Variants in HSPG2 observed in about 807,000 individuals in gnomAD.
HSPG2 encodes heparan sulfate proteoglycan 2.
HSPG2 carries 278 observed loss-of-function variants against 526.6 expected under a neutral mutation model. That is an observed-to-expected ratio of 0.53 (90% CI 0.48 to 0.58). The LOEUF is 0.58. HSPG2 is among the 20% of genes least tolerant of loss of function. The pLI, the probability that HSPG2 is intolerant of heterozygous loss-of-function variation, is 0.00. For synonymous variants in HSPG2, 2,465 were observed against 2,555.4 expected (o/e 0.96, Z 1.07); for missense variants, 5,354 against 6,099.5 (o/e 0.88, Z 4.07).
At chr1:21,857,408 T>G in intron 42 of HSPG2, 23 bp from the exon 43 acceptor site, 1 of 1,605,752 alleles carries the variant, frequency 6.2e-7, no homozygotes, top group South Asian at 1.1e-5. Context: ...GAAGCCCCCC[T>G]GTGAGCCGGT....
rs377061341 is a variant in HSPG2 at position 21,851,703 on chromosome 1, G to A, written c.7007-6C>T. ...GGGCTGGGTGCTGCCGGCAGCTGAG[G>A]GATAAGATGGTCACCGGTCACTCCT... On this transcript the variant is annotated splice_polypyrimidine_tract_variant and splice_region_variant and intron_variant, in intron 54 of 96. Transcript: ENST00000374695. 45 of 1,613,854 alleles carry A rather than the reference G, an allele frequency of 2.8e-5. No homozygotes were observed. The highest frequency in any genetic ancestry group is 3.6e-5 in the Non-Finnish European group (43 of 1,180,020).
chr1:21,879,224 G>A, intron 17 of HSPG2, 103 bp from the exon 18 acceptor site: 1 of 1,393,006 alleles, frequency 7.2e-7, no homozygotes, highest in Non-Finnish European at 1.0e-6. Flanking sequence ...CATCACGCTG[G>A]AGGCACAGCT....
chr1:21,855,360 C>G lies in HSPG2; in HGVS notation c.5941G>C (p.Gly1981Arg). Residue 1981 changes from glycine (G) to arginine (R), a missense_variant, in exon 47 of 97, where the codon GGC becomes CGC. Physicochemically the swap from Gly to Arg is moderately radical, Grantham distance 125. Coordinates refer to ENST00000374695, the MANE Select transcript of HSPG2 (RefSeq NM_005529.7). ...RTVRLYCRAA[G>R]VPSATITWRK... ...CAGGTGATGGTGGCGCTAGGCACGCCTGCAGCCCTGCAGTACAGCCTGACG... is the reference window on the plus strand; with the variant it reads ...CAGGTGATGGTGGCGCTAGGCACGCGTGCAGCCCTGCAGTACAGCCTGACG... 1 of 1,611,682 alleles carries G rather than the reference C, an allele frequency of 6.2e-7. No individual in the cohort carries two copies. Among genetic ancestry groups the G allele is most frequent in the Non-Finnish European group, 8.5e-7 (1 of 1,179,420 alleles).
rs770053186 is a variant in HSPG2, at chr1:21,876,358, G to A, written c.2874C>T (p.Ala958=). 2.6e-5 allele frequency: 42 copies of A among 1,613,252 alleles called. No homozygotes were observed. Among genetic ancestry groups the A allele is most frequent in the Non-Finnish European group, 3.3e-5 (39 of 1,179,768 alleles). Residue 958 remains alanine (A), a synonymous_variant, in exon 23 of 97, where the codon GCC becomes GCT. Coordinates refer to ENST00000374695, the MANE Select transcript of HSPG2 (RefSeq NM_005529.7). ...EEPGHFSLTN[A]ASTHTTNEGI... is the part of the protein sequence containing the mutation. ...CCTCGTTGGTGGTGTGGGTGCTTGC[G>A]GCGTTGGTCAGGCTGAAGTGACCAG...
rs1357906521 is a variant in HSPG2, at chr1:21,912,916, G to T, written c.64-16606C>A. Among the ~76,000 whole-genome samples, 4 of 151,756 alleles carry T rather than the reference G, an allele frequency of 2.6e-5. No individual in the cohort carries two copies. The East Asian group carries it at 7.7e-4, about 29-fold the overall frequency. On this transcript the variant is annotated intron_variant, in intron 1 of 96. Coordinates refer to ENST00000374695, the MANE Select transcript of HSPG2 (RefSeq NM_005529.7). ...AATCACTTGAACCCGGGAGGCGGAGGTTGCAGTGAGCTGAGATTGCACCAC... is the reference window on the plus strand; with the variant it reads ...AATCACTTGAACCCGGGAGGCGGAGTTTGCAGTGAGCTGAGATTGCACCAC...
intron 13 of HSPG2, 23 bp downstream of exon 13, chr1:21,884,505 C>T (rs376600155): frequency 1.1e-5 from 17 of 1,610,852 alleles, no homozygotes; most frequent in East Asian, 6.7e-5. Context: ...CCTCCCGCAG[C>T]GCTCACCCGC....
Position 21,839,122 on chromosome 1 carries a change from G to A in HSPG2, c.9890-37C>T, listed in dbSNP as rs757333979. 44 of 1,556,598 alleles carry A rather than the reference G, an allele frequency of 2.8e-5. No individual in the cohort carries two copies. The South Asian group carries it at 5.4e-4, about 19-fold the overall frequency. On this transcript the variant is annotated intron_variant, in intron 73 of 96. Transcript: ENST00000374695. The surrounding 1 kb of genome is among the most constrained non-coding windows in gnomAD (Gnocchi z 4.5). ...GACACAGAGGTCAGGATTGGGGAGG[G>A]CAAAGGTCAGAATGGCAGCAGGTCG... is the stretch of plus-strand genomic sequence containing the variant.
At chr1:21,832,455 T>A in intron 81 of HSPG2, 40 bp downstream of exon 81, 1 of 1,507,668 alleles carries the variant, frequency 6.6e-7, no homozygotes. Context: ...CAAAGCCCTG[T>A]GTCCAGTCCC....
Position 21,839,678 on chromosome 1 carries a change from C to A in HSPG2, c.9710-128G>T, listed in dbSNP as rs2098040920. The A allele has an allele frequency of 7.2e-7, 1 of 1,389,118 alleles. No individual in the cohort carries two copies. The highest frequency in any genetic ancestry group is 1.4e-5 in the African/African-American group (1 of 70,158). 86.0% of individuals were successfully genotyped at this position (1,389,118 alleles called of 1,614,324 possible). On this transcript the variant is annotated intron_variant, in intron 72 of 96. Transcript: ENST00000374695. This position sits in a 1 kb window ranked among gnomAD's most constrained non-coding sequence, Gnocchi z 4.5. The stretch of plus-strand genomic sequence containing the variant: ...TGGGGACCCCAGTTGGGTTCCTCGG[C>A]CATCACTGGGGGATGCTAGCAACAC...
chr1:21,859,881 A>C lies in HSPG2; in HGVS notation c.5136T>G (p.Arg1712=). The C allele has an allele frequency of 1.2e-6, 2 of 1,611,184 alleles. No individual in the cohort carries two copies. Among genetic ancestry groups the C allele is most frequent in the Non-Finnish European group, 1.7e-6 (2 of 1,179,606 alleles). The part of the protein sequence containing the change: ...GSPPHYFYWS[R]EDGRPVPSGT... Reference sequence around the variant, plus strand: ...CGCTGGGCACAGGCCGCCCATCCTCACGGGACCAATAGAAGTAGTGGGGTG... The same window carrying C: ...CGCTGGGCACAGGCCGCCCATCCTCCCGGGACCAATAGAAGTAGTGGGGTG... Residue 1712 remains arginine (R), a synonymous_variant, in exon 41 of 97, where the codon CGT becomes CGG. Transcript: ENST00000374695. This position sits in a 1 kb window ranked among gnomAD's most constrained non-coding sequence, Gnocchi z 5.3.
chr1:21,873,901 C>G lies in HSPG2; in HGVS notation c.3743+24G>C, dbSNP rs372255642. The G allele has an allele frequency of 2.0e-5, 31 of 1,551,160 alleles. No individual in the cohort carries two copies. The African/African-American group carries it at 2.2e-4, about 11-fold the overall frequency. ...GGGACACCCCCTGTGCGCATCCCCC[C>G]ACCCTCTCCACCCCCTGCCTCACCT... On this transcript the variant is annotated intron_variant, in intron 29 of 96. Coordinates refer to ENST00000374695, the MANE Select transcript of HSPG2 (RefSeq NM_005529.7).
intron 13 of HSPG2, among the ~76,000 whole-genome samples, chr1:21,883,599 A>G (rs1477693379): frequency 6.6e-6 from 1 of 152,226 alleles, no homozygotes; most frequent in East Asian, 1.9e-4. Flanking sequence ...TACTTGGATT[A>G]CAGGCATAAG....
chr1:21,885,556 C>A (rs1430319112), intron 9 of HSPG2, 105 bp from the exon 10 acceptor site: 1 of 1,333,436 alleles, frequency 7.5e-7, no homozygotes, highest in Admixed American at 1.9e-5. Flanking sequence ...CAGCGGCCCT[C>A]GCCATGCCTA....
rs1292503575 is a variant in HSPG2 at position 21,899,928 on chromosome 1, T to A, written c.64-3618A>T. The stretch of plus-strand genomic sequence containing the variant: ...TACCAGGGAGCCCAGGGTTGGCCAG[T>A]CCCTGTCCCCAACCTGACCAGCTCT... On this transcript the variant is annotated intron_variant, in intron 1 of 96. Transcript: ENST00000374695. 2.0e-5 allele frequency among the ~76,000 whole-genome samples: 3 copies of A among 152,180 alleles called. No homozygotes were observed. The East Asian group carries it at 5.8e-4, about 29-fold the overall frequency.
At chr1:21,833,718 C>T in intron 78 of HSPG2, 98 bp downstream of exon 78, 1 of 1,568,392 alleles carries the variant, frequency 6.4e-7, no homozygotes, top group Non-Finnish European at 8.7e-7. Context: ...AGCGTTTGCT[C>T]TTGGCCAAGC....
Position 21,830,809 on chromosome 1 carries a change from G to T in HSPG2, c.11671+173C>A, listed in dbSNP as rs114226518. 269 of 626,812 alleles carry T rather than the reference G, an allele frequency of 4.3e-4. 1 individual carries two copies. The African/African-American group carries it at 4.5e-3, about 10-fold the overall frequency. The allele number at this position is 626,812 out of a possible 1,614,324, so 38.8% of individuals were successfully genotyped here. On this transcript the variant is annotated intron_variant, in intron 85 of 96. Coordinates refer to ENST00000374695, the MANE Select transcript of HSPG2 (RefSeq NM_005529.7). ...GGGGAAGCAGCAGTGATGGGGTGAG[G>T]GCCTTCGGGTAGCAGAGATGGGGGA...
intron 91 of HSPG2, among the ~76,000 whole-genome samples, chr1:21,825,543 C>T (rs1480322020): frequency 6.6e-6 from 1 of 152,156 alleles, no homozygotes; most frequent in African/African-American, 2.4e-5. Context: ...TCCACACCCC[C>T]CCAGCCCTAT....
Position 21,872,111 on chromosome 1 carries a change from T to C in HSPG2, c.4221+75A>G. 1 of 1,498,462 alleles carries C rather than the reference T, an allele frequency of 6.7e-7. No homozygotes were observed. Among genetic ancestry groups the C allele is most frequent in the South Asian group, 1.2e-5 (1 of 82,680 alleles). The allele number at this position is 1,498,462 out of a possible 1,614,324, so 92.8% of individuals were successfully genotyped here. A position where few individuals can be genotyped will look rare whatever the true frequency, so the allele number is the denominator to read the frequency against. On this transcript the variant is annotated intron_variant, in intron 33 of 96. Coordinates refer to ENST00000374695, the MANE Select transcript of HSPG2 (RefSeq NM_005529.7). The surrounding 1 kb of genome is among the most constrained non-coding windows in gnomAD (Gnocchi z 5.5). ...TATGGCCATGCAGGTGGCAGGTGCC[T>C]GCCTGCTGAGAGACGGCGCAGAGGT...
At position 21,898,613 on chromosome 1, in the gene HSPG2, G is replaced by A. The variant is rs1023848782; in HGVS notation, c.64-2303C>T. ...ACCGTAAGACCAGCCCCTACCAGGC[G>A]CTCTGCCTCCTTCCCTGGGTGGGGT... On this transcript the variant is annotated intron_variant, in intron 1 of 96. Coordinates refer to ENST00000374695, the MANE Select transcript of HSPG2 (RefSeq NM_005529.7). The surrounding 1 kb of genome is among the most constrained non-coding windows in gnomAD (Gnocchi z 4.0). Among the ~76,000 whole-genome samples, 1 of 152,200 alleles carries A rather than the reference G, an allele frequency of 6.6e-6. No individual in the cohort carries two copies. Among genetic ancestry groups the A allele is most frequent in the South Asian group, 2.1e-4 (1 of 4,828 alleles).
Sources: allele counts gnomAD v4.1 joint callset (sites outside exome capture counted in the v4.1 genomes callset), GRCh38; gene constraint gnomAD v4.1.1; non-coding constraint Gnocchi (gnomAD v3.1); transcripts MANE v1.5; gene names NCBI Gene and HGNC (gene_info 2026-07-23, HGNC 2026-07-21).